Variants in LINGO2 observed in about 807,000 individuals in gnomAD.
The protein encoded by LINGO2 is leucine-rich repeat and immunoglobulin-like domain-containing nogo receptor-interacting protein 2.
Under a neutral mutation model 30.6 loss-of-function variants are expected in LINGO2, and 14 were observed. That is an observed-to-expected ratio of 0.46 (90% confidence interval 0.30 to 0.72). The LOEUF (loss-of-function observed/expected upper bound fraction) is 0.72. Among genes scored for constraint, LINGO2 ranks in the 30% least tolerant of loss-of-function variants. The pLI is 0.07. For synonymous variants in LINGO2, 317 were observed against 288.5 expected (o/e 1.10, Z -1.00); for missense variants, 729 against 751.7 (o/e 0.97, Z 0.35).
At chr9:28,769,043 T>C in the LINGO2 span, among the ~76,000 whole-genome samples, 1 of 152,096 alleles carries the variant, frequency 6.6e-6, no homozygotes, top group Non-Finnish European at 1.5e-5. Flanking sequence ...AAGTATAATG[T>C]TACTAATACT....
chr9:28,707,152 T>G, the LINGO2 span, among the ~76,000 whole-genome samples: 4 of 152,090 alleles, frequency 2.6e-5, no homozygotes, highest in African/African-American at 9.7e-5. Flanking sequence ...ATCCTAAAGA[T>G]GGCAAAGAAA....
chr9:28,177,496 C>T (rs559691260), intron 4 of LINGO2, among the ~76,000 whole-genome samples: 206 of 152,274 alleles, frequency 1.4e-3, no homozygotes, highest in African/African-American at 4.7e-3. Flanking sequence ...CCTGCATGAA[C>T]CTCTCTGATC....
intron 1 of LINGO2, among the ~76,000 whole-genome samples, chr9:28,527,195 A>G (rs1427654074): frequency 6.6e-6 from 1 of 152,184 alleles, no homozygotes; most frequent in African/African-American, 2.4e-5. Context: ...TGGACAATTG[A>G]TGACAATTAA....
intron 4 of LINGO2, among the ~76,000 whole-genome samples, chr9:28,128,944 G>T (rs916378039): frequency 3.9e-5 from 6 of 152,152 alleles, no homozygotes; most frequent in Non-Finnish European, 7.4e-5. Flanking sequence ...TGCAAGTGCC[G>T]CTAGGAAAAG....
the LINGO2 span, among the ~76,000 whole-genome samples, chr9:28,995,185 C>G: frequency 6.6e-6 from 1 of 152,130 alleles, no homozygotes; most frequent in African/African-American, 2.4e-5. Context: ...AAAAAACAAA[C>G]AACCCCATCA....
chr9:29,107,906 A>T, the LINGO2 span, among the ~76,000 whole-genome samples: 9 of 90,818 alleles, frequency 9.9e-5, no homozygotes, highest in African/African-American at 4.6e-4. Context: ...CCTGAAAATT[A>T]AAAAAAAAAC....
At chr9:28,116,856 TG>T (rs1325500737) in intron 4 of LINGO2, among the ~76,000 whole-genome samples, 5 of 49,590 alleles carry the variant, frequency 1.0e-4, no homozygotes, top group African/African-American at 3.5e-4. Context: ...GCCTTTGGTT[TG>T]AATGTCCTCC....
chr9:29,006,833 G>A, the LINGO2 span, among the ~76,000 whole-genome samples: 1 of 151,998 alleles, frequency 6.6e-6, no homozygotes, highest in African/African-American at 2.4e-5. Flanking sequence ...GCTGTAAAAC[G>A]GAGGCTGTAG....
intron 1 of LINGO2, among the ~76,000 whole-genome samples, chr9:28,590,614 T>C (rs1211913009): frequency 4.6e-5 from 7 of 151,980 alleles, no homozygotes; most frequent in Non-Finnish European, 8.8e-5. Flanking sequence ...TGAGATACCA[T>C]CTCACACCAG....
At chr9:28,641,308 T>A (rs1295011902) in intron 1 of LINGO2, among the ~76,000 whole-genome samples, 1 of 152,048 alleles carries the variant, frequency 6.6e-6, no homozygotes, top group Non-Finnish European at 1.5e-5. Flanking sequence ...AGTGCTAGGA[T>A]TACAGGCGTG....
At chr9:28,372,758 A>G (rs1157712299) in intron 3 of LINGO2, 78 bp downstream of exon 5, 5 of 152,610 alleles carry the variant, frequency 3.3e-5, no homozygotes, top group South Asian at 2.1e-4. Flanking sequence ...GTCATAAACT[A>G]TAACATTAGT....
At chr9:28,779,373 C>T in the LINGO2 span, among the ~76,000 whole-genome samples, 3 of 152,116 alleles carry the variant, frequency 2.0e-5, no homozygotes, top group African/African-American at 2.4e-5. Flanking sequence ...GGCAGGTCAA[C>T]AATCCATCTT....
the LINGO2 span, among the ~76,000 whole-genome samples, chr9:29,116,412 TA>T: frequency 2.0e-5 from 3 of 152,072 alleles, no homozygotes; most frequent in Non-Finnish European, 4.4e-5. Context: ...AAAGATGGCA[TA>T]AAATCCATAT....
In LINGO2 at chr9:28,148,324, G is replaced by A. The variant is rs575296479; in HGVS notation, c.-86-135919C>T. On this transcript the variant is annotated intron_variant, in intron 4 of 5. Transcript: ENST00000379992. The surrounding 1 kb of genome is among the most constrained non-coding windows in gnomAD (Gnocchi z 5.1). ...CCATGCTGTCTGCTCACAACTCCAG[G>A]ATGTTTGGACACCTCAGCCCCGTGA... 1,209 of 878,980 alleles carry A rather than the reference G, an allele frequency of 1.4e-3. 4 individuals are homozygous for A. Among genetic ancestry groups the A allele is most frequent in the Non-Finnish European group, 2.0e-3 (1,106 of 549,028 alleles). 54.4% of individuals were successfully genotyped at this position (878,980 alleles called of 1,614,324 possible).
chr9:28,992,015 A>G, the LINGO2 span, among the ~76,000 whole-genome samples: 2 of 152,182 alleles, frequency 1.3e-5, no homozygotes, highest in Admixed American at 6.5e-5. Context: ...ACACATAACA[A>G]TATTAACTTT....
intron 1 of LINGO2, among the ~76,000 whole-genome samples, chr9:28,637,615 C>A (rs1293970514): frequency 6.6e-6 from 1 of 152,082 alleles, no homozygotes; most frequent in East Asian, 1.9e-4. Context: ...TGATTTGGTT[C>A]TCTGTTTATC....
intron 5 of LINGO2, among the ~76,000 whole-genome samples, chr9:28,000,520 A>T (rs1433192130): frequency 6.6e-6 from 1 of 152,214 alleles, no homozygotes; most frequent in African/African-American, 2.4e-5. Context: ...TTATTTCTTT[A>T]GGCACCAGAC....
chr9:29,158,230 C>G, the LINGO2 span, among the ~76,000 whole-genome samples: 1 of 151,370 alleles, frequency 6.6e-6, no homozygotes, highest in Non-Finnish European at 1.5e-5. Flanking sequence ...GTGATTCATG[C>G]CTGTAGTCCC....
At chr9:28,119,234 C>T in intron 4 of LINGO2, among the ~76,000 whole-genome samples, 1 of 152,066 alleles carries the variant, frequency 6.6e-6, no homozygotes. Context: ...TGTGAGGGTT[C>T]CCAACCTAGA....
Sources: allele counts gnomAD v4.1 joint callset (sites outside exome capture counted in the v4.1 genomes callset), GRCh38; gene constraint gnomAD v4.1.1; non-coding constraint Gnocchi (gnomAD v3.1); transcripts MANE v1.5; gene names NCBI Gene and HGNC (gene_info 2026-07-23, HGNC 2026-07-21).